FNDC1: variants seen among roughly 807,000 people sequenced by gnomAD.
FNDC1 encodes fibronectin type III domain-containing protein 1.
FNDC1 carries 96 observed loss-of-function variants against 168.0 expected under a neutral mutation model. The observed-to-expected ratio is 0.57, with a 90% confidence interval of 0.48 to 0.68. FNDC1 has a LOEUF of 0.68. FNDC1 is among the 30% of genes least tolerant of loss of function. FNDC1 has a pLI of 0.00. For missense variants in FNDC1, 2,587 were observed against 2,482.1 expected, an observed-to-expected ratio of 1.04 and a Z score of -0.90; for synonymous variants, 1,099 against 1,025.9, an observed-to-expected ratio of 1.07 and a Z score of -1.36.
intron 20 of FNDC1, 110 bp from the exon 21 acceptor site, chr6:159,265,974 C>T: frequency 9.3e-7 from 1 of 1,069,550 alleles, no homozygotes; most frequent in Non-Finnish European, 1.4e-6. Context: ...AAACAAAAAG[C>T]CCTGTAAGGA....
intron 12 of FNDC1, among the ~76,000 whole-genome samples, chr6:159,237,757 C>T (rs1488473478): frequency 2.6e-5 from 4 of 152,312 alleles, no homozygotes; most frequent in East Asian, 1.9e-4. Context: ...TAACCATTTG[C>T]GGTATAACCT....
intron 1 of FNDC1, among the ~76,000 whole-genome samples, chr6:159,174,915 A>T (rs940845797): frequency 1.4e-4 from 21 of 152,232 alleles, no homozygotes; most frequent in Non-Finnish European, 1.9e-4. Flanking sequence ...TTCCACCACC[A>T]ATGTTAATTT....
Position 159,232,910 on chromosome 6 carries a change from C to A in FNDC1, c.2398C>A (p.Gln800Lys). 1.2e-6 allele frequency: 2 copies of A among 1,612,094 alleles called. No individual in the cohort carries two copies. The highest frequency in any genetic ancestry group is 1.7e-6 in the Non-Finnish European group (2 of 1,179,748). ...GDGDREDGGR[Q>K]AEATAQTLRA... ...CGGCGATAGGGAAGACGGCGGAAGG[C>A]AGGCGGAGGCCACGGCCCAGACGCT... The change falls in exon 11 of 23, where the codon CAG (glutamine) becomes AAG (lysine). Residue 800 changes from glutamine to lysine, a missense_variant. Gln to Lys is a moderately conservative substitution (Grantham distance 53). Transcript: ENST00000297267. The surrounding 1 kb of genome is among the most constrained non-coding windows in gnomAD (Gnocchi z 4.9).
At chr6:159,239,994 G>A (rs1783383182) in intron 14 of FNDC1, 37 bp downstream of exon 14, 1 of 1,449,058 alleles carries the variant, frequency 6.9e-7, no homozygotes, top group South Asian at 1.5e-5. Flanking sequence ...TACTTACCAG[G>A]CACACTAGCA....
chr6:159,186,768 G>A (rs1782009091), intron 1 of FNDC1, among the ~76,000 whole-genome samples: 1 of 152,254 alleles, frequency 6.6e-6, no homozygotes. Flanking sequence ...GGAGGGGATA[G>A]AAATTGATCT....
chr6:159,268,840 CTATCTATCTATCTATCTATCT>C (rs1777647892), intron 22 of FNDC1, among the ~76,000 whole-genome samples: 1 of 23,860 alleles, frequency 4.2e-5, no homozygotes, highest in Non-Finnish European at 1.8e-4. Flanking sequence ...ATCTATCTAT[CTATCTATCTATCTATCTATCT>C]ATCCATACTG....
Position 159,234,014 on chromosome 6 carries a change from T to G in FNDC1, c.3502T>G (p.Ser1168Ala). The change falls in exon 11 of 23, where the codon TCC becomes GCC. Residue 1168 changes from serine (S) to alanine (A), a missense_variant. Ser to Ala is a moderately conservative substitution (Grantham distance 99). Coordinates refer to ENST00000297267, the MANE Select transcript of FNDC1 (RefSeq NM_032532.3). Reference protein sequence around the residue: ...KSEPPSKRPLSSKSQQSVSAE... With the variant: ...KSEPPSKRPLASKSQQSVSAE... ...GGAGCCTCCTTCCAAGCGGCCCCTG[T>G]CCTCCAAGTCCCAGCAGTCGGTCTC... The G allele has an allele frequency of 6.2e-7, 1 of 1,609,166 alleles. No individual in the cohort carries two copies. Among genetic ancestry groups the G allele is most frequent in the Non-Finnish European group, 8.5e-7 (1 of 1,178,320 alleles).
chr6:159,246,781 T>C, intron 14 of FNDC1, 120 bp from the exon 15 acceptor site: 4 of 687,124 alleles, frequency 5.8e-6, no homozygotes, highest in Non-Finnish European at 1.0e-5. Context: ...ACCCTGGCCT[T>C]GGGGACTTGT....
chr6:159,251,277 A>T, intron 16 of FNDC1, 25 bp from the exon 17 acceptor site: 1 of 1,577,942 alleles, frequency 6.3e-7, no homozygotes, highest in Non-Finnish European at 8.7e-7. Context: ...CAGCAATCCA[A>T]TTGGTTATCT....
intron 1 of FNDC1, among the ~76,000 whole-genome samples, chr6:159,172,924 T>C (rs1781690403): frequency 1.3e-5 from 2 of 152,192 alleles, no homozygotes; most frequent in Non-Finnish European, 2.9e-5. Context: ...ATTAAAAAGA[T>C]TTGCCAAAAT....
chr6:159,234,447 C>T lies in FNDC1; in HGVS notation c.3935C>T (p.Ser1312Phe). ...CATGCCAGATTCCGTAACCCTCTCT[C>T]CCGACAGCCTGCCAGACCCTCTTAC... ...MMHARFRNPL[S>F]RQPARPSYRQ... is the part of the protein sequence containing the mutation. Residue 1312 changes from serine (S) to phenylalanine (F), a missense_variant, in exon 11 of 23, where the codon TCC (serine) becomes TTC (phenylalanine). Coordinates refer to ENST00000297267, the MANE Select transcript of FNDC1 (RefSeq NM_032532.3). 1 of 1,613,520 alleles carries T rather than the reference C, an allele frequency of 6.2e-7. No homozygotes were observed. The highest frequency in any genetic ancestry group is 8.5e-7 in the Non-Finnish European group (1 of 1,179,882).
At chr6:159,264,663 C>A (rs753009804) in intron 19 of FNDC1, among the ~76,000 whole-genome samples, 20 of 152,132 alleles carry the variant, frequency 1.3e-4, no homozygotes, top group Admixed American at 5.2e-4. Flanking sequence ...AAGAAACCAC[C>A]ACACTATTTT....
intron 1 of FNDC1, among the ~76,000 whole-genome samples, chr6:159,171,900 T>A (rs998162190): frequency 2.6e-5 from 4 of 152,230 alleles, no homozygotes; most frequent in Non-Finnish European, 5.9e-5. Context: ...AAAGTAATAC[T>A]AAGATTACTA....
intron 4 of FNDC1, among the ~76,000 whole-genome samples, chr6:159,201,777 C>G (rs1007560763): frequency 6.6e-6 from 1 of 152,146 alleles, no homozygotes; most frequent in Admixed American, 6.5e-5. Flanking sequence ...CACGTGTGAA[C>G]CTTTTACTGA....
chr6:159,187,550 G>A (rs1782029143), intron 1 of FNDC1, among the ~76,000 whole-genome samples: 5 of 152,164 alleles, frequency 3.3e-5, no homozygotes, highest in Admixed American at 3.3e-4. Flanking sequence ...AGGGGACCCA[G>A]GGGGTTCTTT....
At position 159,200,029 on chromosome 6, in the gene FNDC1, C is replaced by T; in HGVS notation, c.338C>T (p.Ala113Val). 1 of 1,606,268 alleles carries T rather than the reference C, an allele frequency of 6.2e-7. No individual in the cohort carries two copies. The highest frequency in any genetic ancestry group is 8.5e-7 in the Non-Finnish European group (1 of 1,176,324). Residue 113 changes from alanine (A) to valine (V), a missense_variant, in exon 3 of 23, where the codon GCA becomes GTA. Ala to Val is a moderately conservative substitution (Grantham distance 64). Transcript: ENST00000297267. ...PGVVYFVLLT[A>V]ENHSGVSRPV... The stretch of plus-strand genomic sequence containing the variant: ...GTAGTGTACTTTGTGCTGCTTACTG[C>T]AGAAAACCACAGTGGAGTGAGCCGT...
intron 1 of FNDC1, among the ~76,000 whole-genome samples, chr6:159,174,634 A>G (rs1411387931): frequency 6.6e-6 from 1 of 152,240 alleles, no homozygotes; most frequent in African/African-American, 2.4e-5. Context: ...CGCTTTCTTC[A>G]TATATTAAAT....
intron 1 of FNDC1, among the ~76,000 whole-genome samples, chr6:159,183,680 G>A (rs942631956): frequency 2.0e-5 from 3 of 152,186 alleles, no homozygotes; most frequent in Admixed American, 6.5e-5. Flanking sequence ...GACCAAGACG[G>A]GGTGACCAAT....
chr6:159,231,957 C>G lies in FNDC1; in HGVS notation c.1445C>G (p.Pro482Arg), dbSNP rs1361814216. The G allele has an allele frequency of 3.7e-6, 6 of 1,613,852 alleles. No individual in the cohort carries two copies. The highest frequency in any genetic ancestry group is 4.2e-6 in the Non-Finnish European group (5 of 1,179,896). Residue 482 changes from proline (P) to arginine (R), a missense_variant, in exon 11 of 23, where the codon CCC becomes CGC. By Grantham distance (103) the Pro-to-Arg change is moderately radical. Transcript: ENST00000297267. ...AAACCTGAGCCTTCCTCACCTTCTC[C>G]CAGAGCTCCAGCTTCCTCCCAACAC... ...PEKPEPSSPSPRAPASSQHPS... is the reference protein window; with the variant it reads ...PEKPEPSSPSRRAPASSQHPS...
Sources: allele counts gnomAD v4.1 joint callset (sites outside exome capture counted in the v4.1 genomes callset), GRCh38; gene constraint gnomAD v4.1.1; non-coding constraint Gnocchi (gnomAD v3.1); transcripts MANE v1.5; gene names NCBI Gene and HGNC (gene_info 2026-07-23, HGNC 2026-07-21).